The following B3GAT2 variants were observed in gnomAD, a reference collection of about 807,000 sequenced individuals.
B3GAT2 encodes the protein beta-1,3-glucuronyltransferase 2.
A neutral mutation model predicts 27.8 loss-of-function variants in B3GAT2; 26 were observed. That is an observed-to-expected ratio of 0.93 (90% CI 0.68 to 1.30). The LOEUF is 1.30. B3GAT2 is among the 50% of genes most tolerant of loss of function. The pLI, the probability that B3GAT2 is intolerant of heterozygous loss-of-function variation, is 0.00. For missense variants in B3GAT2, 458 were observed against 459.0 expected, an observed-to-expected ratio of 1.00 and a Z score of 0.02; for synonymous variants, 218 against 195.1, an observed-to-expected ratio of 1.12 and a Z score of -0.98.
At chr6:70,953,963 C>G (rs1765612121) in intron 1 of B3GAT2, among the ~76,000 whole-genome samples, 1 of 152,222 alleles carries the variant, frequency 6.6e-6, no homozygotes, top group Non-Finnish European at 1.5e-5. Flanking sequence ...AATCATTTCA[C>G]TGCCTGCGTG....
intron 1 of B3GAT2, among the ~76,000 whole-genome samples, chr6:70,927,081 T>G (rs1398390210): frequency 6.6e-6 from 1 of 152,100 alleles, no homozygotes; most frequent in Non-Finnish European, 1.5e-5. Flanking sequence ...AAACTAAGCT[T>G]CATAAGTGAA....
At chr6:70,918,162 CTTCT>C (rs1772805587) in intron 1 of B3GAT2, among the ~76,000 whole-genome samples, 1 of 152,098 alleles carries the variant, frequency 6.6e-6, no homozygotes, top group South Asian at 2.1e-4. Flanking sequence ...TGTTAACGGC[CTTCT>C]TTGTCTCTTT....
At chr6:70,934,749 AGTT>A (rs1258039762) in intron 1 of B3GAT2, among the ~76,000 whole-genome samples, 4 of 152,220 alleles carry the variant, frequency 2.6e-5, no homozygotes, top group African/African-American at 9.6e-5. Flanking sequence ...CGTAAAAAAA[AGTT>A]GACCTAATAG....
intron 1 of B3GAT2, among the ~76,000 whole-genome samples, chr6:70,943,195 T>C (rs1765421412): frequency 6.6e-6 from 1 of 152,146 alleles, no homozygotes; most frequent in South Asian, 2.1e-4. Flanking sequence ...ACTCAACCAA[T>C]GATTTATTTT....
chr6:70,875,702 C>G (rs963104164), intron 2 of B3GAT2, among the ~76,000 whole-genome samples: 1 of 152,196 alleles, frequency 6.6e-6, no homozygotes, highest in Non-Finnish European at 1.5e-5. Flanking sequence ...AATCTGCTGA[C>G]TACTGACTGA....
chr6:70,945,145 A>G (rs1765458091), intron 1 of B3GAT2, among the ~76,000 whole-genome samples: 1 of 152,188 alleles, frequency 6.6e-6, no homozygotes, highest in Admixed American at 6.5e-5. Context: ...GAAAAACTGG[A>G]AACTCTAAAA....
At chr6:70,904,884 T>C (rs1038412599) in intron 1 of B3GAT2, among the ~76,000 whole-genome samples, 2 of 152,104 alleles carry the variant, frequency 1.3e-5, no homozygotes, top group Non-Finnish European at 2.9e-5. Flanking sequence ...ATAAGAGGTA[T>C]GGCAGTCACT....
intron 2 of B3GAT2, among the ~76,000 whole-genome samples, chr6:70,881,497 G>T (rs146415109): frequency 2.2e-4 from 34 of 152,218 alleles, no homozygotes; most frequent in African/African-American, 8.2e-4. Context: ...CTTTATTTTA[G>T]GTACACCTGT....
intron 2 of B3GAT2, among the ~76,000 whole-genome samples, chr6:70,889,301 A>ACTTCC (rs1336481914): frequency 2.9e-4 from 44 of 152,302 alleles, no homozygotes; most frequent in African/African-American, 1.0e-3. Flanking sequence ...ATCATTAAAG[A>ACTTCC]AAGAGGAAAA....
At chr6:70,894,007 G>T in intron 2 of B3GAT2, 121 bp downstream of exon 2, 2 of 1,065,082 alleles carry the variant, frequency 1.9e-6, no homozygotes, top group Non-Finnish European at 2.6e-6. Flanking sequence ...TCCTGAATAT[G>T]ATATGATGTA....
intron 1 of B3GAT2, among the ~76,000 whole-genome samples, chr6:70,902,635 T>C (rs866361702): frequency 0.046 from 6,581 of 142,872 alleles, 494 homozygotes; most frequent in African/African-American, 0.16. Context: ...TATATATATA[T>C]ATACACACAC....
chr6:70,922,393 A>G (rs1386807823), intron 1 of B3GAT2, among the ~76,000 whole-genome samples: 5 of 152,166 alleles, frequency 3.3e-5, no homozygotes, highest in Non-Finnish European at 7.4e-5. Flanking sequence ...TCGCAGAATA[A>G]ATGTTATTTA....
At chr6:70,914,528 A>C (rs1156868963) in intron 1 of B3GAT2, among the ~76,000 whole-genome samples, 1 of 151,944 alleles carries the variant, frequency 6.6e-6, no homozygotes, top group East Asian at 1.9e-4. Context: ...TATCCAGTCT[A>C]TTATTATTAT....
chr6:70,955,129 G>T (rs975956600), intron 1 of B3GAT2, among the ~76,000 whole-genome samples: 5 of 148,936 alleles, frequency 3.4e-5, no homozygotes, highest in African/African-American at 1.2e-4. Flanking sequence ...CAAAAAAGAC[G>T]TAACCACAGG....
intron 1 of B3GAT2, among the ~76,000 whole-genome samples, chr6:70,894,610 A>G (rs939358302): frequency 5.9e-5 from 9 of 152,214 alleles, no homozygotes; most frequent in African/African-American, 1.9e-4. Context: ...CAATACTTCT[A>G]TCTTCCGAGG....
intron 2 of B3GAT2, among the ~76,000 whole-genome samples, chr6:70,876,906 T>A (rs1772023253): frequency 2.6e-5 from 4 of 152,182 alleles, no homozygotes; most frequent in Admixed American, 2.0e-4. Flanking sequence ...GCTATCTGAC[T>A]AGAATGAGTA....
At chr6:70,909,087 G>A (rs1423201768) in intron 1 of B3GAT2, among the ~76,000 whole-genome samples, 2 of 152,058 alleles carry the variant, frequency 1.3e-5, no homozygotes, top group Non-Finnish European at 2.9e-5. Context: ...AGATGTAGGT[G>A]GATCTTGAAA....
chr6:70,902,544 G>A (rs908536198), intron 1 of B3GAT2, among the ~76,000 whole-genome samples: 1 of 150,660 alleles, frequency 6.6e-6, no homozygotes, highest in Non-Finnish European at 1.5e-5. Context: ...GTTTATTGCA[G>A]CACTATTCAC....
intron 1 of B3GAT2, among the ~76,000 whole-genome samples, chr6:70,896,823 G>A (rs1458857952): frequency 6.6e-6 from 1 of 152,162 alleles, no homozygotes; most frequent in East Asian, 1.9e-4. Context: ...GGACATTTGG[G>A]TTGTTTCAAG....
Sources: allele counts gnomAD v4.1 joint callset (sites outside exome capture counted in the v4.1 genomes callset), GRCh38; gene constraint gnomAD v4.1.1; transcripts MANE v1.5; gene names NCBI Gene and HGNC (gene_info 2026-07-23, HGNC 2026-07-21).